MAD1L1: variants seen among roughly 807,000 people sequenced by gnomAD.
MAD1L1 encodes mitotic spindle assembly checkpoint protein MAD1.
Under a neutral mutation model 96.9 loss-of-function variants are expected in MAD1L1, and 95 were observed. The observed-to-expected ratio is 0.98, with a 90% confidence interval of 0.83 to 1.16. MAD1L1 has a LOEUF of 1.16. Ranked by LOEUF, MAD1L1 falls within the 50% of genes most tolerant of loss-of-function variation. MAD1L1 has a pLI of 0.00. For missense variants in MAD1L1, 1,007 were observed against 954.4 expected, an observed-to-expected ratio of 1.06 and a Z score of -0.73; for synonymous variants, 473 against 396.6, an observed-to-expected ratio of 1.19 and a Z score of -2.29.
chr7:2,128,569 A>G (rs1408529748), intron 11 of MAD1L1, among the ~76,000 whole-genome samples: 1 of 152,250 alleles, frequency 6.6e-6, no homozygotes, highest in African/African-American at 2.4e-5. Context: ...GAGGCCTCGC[A>G]AAGGGCACAG....
intron 18 of MAD1L1, among the ~76,000 whole-genome samples, chr7:1,865,645 T>C (rs1784743882): frequency 6.6e-6 from 1 of 152,260 alleles, no homozygotes; most frequent in Admixed American, 6.5e-5. Context: ...GGCCTCTTGG[T>C]AACCAGAGGC....
intron 15 of MAD1L1, among the ~76,000 whole-genome samples, chr7:1,974,222 G>C (rs1464052596): frequency 6.6e-6 from 1 of 152,210 alleles, no homozygotes; most frequent in Non-Finnish European, 1.5e-5. Context: ...GGAAAGATCA[G>C]AGGCCCCTCC....
chr7:2,225,838 C>T (rs1203373130), intron 3 of MAD1L1, among the ~76,000 whole-genome samples: 3 of 152,200 alleles, frequency 2.0e-5, no homozygotes, highest in Admixed American at 1.3e-4. Context: ...CCAACGGCTC[C>T]GTGGGTCGGA....
At position 1,985,722 on chromosome 7, in the gene MAD1L1, G is replaced by C. The variant is rs11974923; in HGVS notation, c.1417-5181C>G. ...ATTCAGGAGATGGAACTCTTGCTGC[G>C]GGTTCTTTAGGTAGTTTTCCCCGTG... On this transcript the variant is annotated intron_variant, in intron 14 of 18. Coordinates refer to ENST00000265854, the MANE Select transcript of MAD1L1 (RefSeq NM_001013836.2). 4.4e-3 allele frequency among the ~76,000 whole-genome samples: 674 copies of C among 152,232 alleles called. 5 individuals carry two copies. Among genetic ancestry groups the C allele is most frequent in the African/African-American group, 0.015 (640 of 41,524 alleles).
At chr7:2,116,572 G>GA (rs1554377764) in intron 11 of MAD1L1, among the ~76,000 whole-genome samples, 25 of 151,196 alleles carry the variant, frequency 1.7e-4, no homozygotes, top group Non-Finnish European at 3.4e-4. Context: ...AGGGTTGGGG[G>GA]GGGGGGGGGC....
At chr7:1,827,086 C>T (rs1377534832) in intron 18 of MAD1L1, among the ~76,000 whole-genome samples, 2 of 152,230 alleles carry the variant, frequency 1.3e-5, no homozygotes, top group East Asian at 1.9e-4. Flanking sequence ...GGCGCCGGCT[C>T]GGGGTGGGGC....
intron 11 of MAD1L1, among the ~76,000 whole-genome samples, chr7:2,096,585 C>A (rs1479708403): frequency 6.6e-6 from 1 of 152,138 alleles, no homozygotes; most frequent in Non-Finnish European, 1.5e-5. Context: ...CTCCAAGGGG[C>A]ATCTGAATTG....
intron 10 of MAD1L1, among the ~76,000 whole-genome samples, chr7:2,178,192 T>C (rs374285947): frequency 2.8e-4 from 43 of 152,370 alleles, no homozygotes; most frequent in African/African-American, 1.0e-3. Flanking sequence ...TCAGCTTTGA[T>C]AAAAACGAAA....
chr7:2,077,995 G>C (rs1471943003), intron 11 of MAD1L1, among the ~76,000 whole-genome samples: 2 of 152,174 alleles, frequency 1.3e-5, no homozygotes, highest in African/African-American at 4.8e-5. Context: ...CCCAGACAGG[G>C]CAGAAGCAAC....
intron 12 of MAD1L1, among the ~76,000 whole-genome samples, chr7:2,030,465 A>T (rs1783174335): frequency 1.3e-5 from 2 of 152,220 alleles, no homozygotes; most frequent in African/African-American, 2.4e-5. Flanking sequence ...CACTTCTTTC[A>T]TGAACAGATA....
intron 14 of MAD1L1, among the ~76,000 whole-genome samples, chr7:1,992,703 C>T (rs1781403624): frequency 1.3e-5 from 2 of 152,184 alleles, no homozygotes; most frequent in Admixed American, 6.5e-5. Context: ...AGGCTGTCTG[C>T]CAGGGCTGCT....
intron 10 of MAD1L1, among the ~76,000 whole-genome samples, chr7:2,205,990 G>A (rs893323834): frequency 6.6e-6 from 1 of 152,022 alleles, no homozygotes; most frequent in Admixed American, 6.5e-5. Flanking sequence ...AAATTAGCCG[G>A]GTGTGGTGGT....
At chr7:2,197,022 G>A (rs867077419) in intron 10 of MAD1L1, among the ~76,000 whole-genome samples, 1 of 152,212 alleles carries the variant, frequency 6.6e-6, no homozygotes, top group Admixed American at 6.5e-5. Flanking sequence ...CACAATTGGC[G>A]GATGTGCTCC....
At chr7:2,074,289 G>A (rs1232202166) in intron 11 of MAD1L1, among the ~76,000 whole-genome samples, 1 of 152,090 alleles carries the variant, frequency 6.6e-6, no homozygotes, top group Non-Finnish European at 1.5e-5. Context: ...TGCAGGTACT[G>A]AGGTCACCGA....
At chr7:2,222,240 T>C (rs1197740921) in intron 5 of MAD1L1, among the ~76,000 whole-genome samples, 1 of 151,932 alleles carries the variant, frequency 6.6e-6, no homozygotes, top group Non-Finnish European at 1.5e-5. Flanking sequence ...CCACCACGCA[T>C]GGCTAATTTT....
chr7:1,929,288 C>A (rs1180418376), intron 17 of MAD1L1, among the ~76,000 whole-genome samples: 1 of 152,164 alleles, frequency 6.6e-6, no homozygotes. Flanking sequence ...TCAGCTGTGC[C>A]CACACAGGCA....
chr7:2,179,999 A>C (rs187512845), intron 10 of MAD1L1, among the ~76,000 whole-genome samples: 4 of 152,154 alleles, frequency 2.6e-5, no homozygotes, highest in Admixed American at 2.0e-4. Context: ...AAAAGAAAGA[A>C]AGTCCTGTCT....
chr7:2,210,620 CGTGA>C (rs1016156627), intron 10 of MAD1L1, among the ~76,000 whole-genome samples: 13 of 152,210 alleles, frequency 8.5e-5, no homozygotes, highest in African/African-American at 3.1e-4. Flanking sequence ...TGACGTCCAG[CGTGA>C]GTCACCCGAG....
Position 2,045,067 on chromosome 7 carries a change from C to T in MAD1L1, c.1218+24127G>A, listed in dbSNP as rs114548226. ...AGGGCGCCCTGACGGCAAGCCCCGG[C>T]CTCTGATCACCTCCCAGGGTGAAGC... On this transcript the variant is annotated intron_variant, in intron 12 of 18. Coordinates refer to ENST00000265854, the MANE Select transcript of MAD1L1 (RefSeq NM_001013836.2). Among the ~76,000 whole-genome samples the T allele has an allele frequency of 2.0e-3, 312 of 152,324 alleles. 1 individual carries two copies. The highest frequency in any genetic ancestry group is 7.3e-3 in the African/African-American group (302 of 41,576).
Sources: gnomAD v4.1 joint callset for allele counts (sites outside exome capture counted in the v4.1 genomes callset) on GRCh38, gnomAD v4.1.1 for gene constraint, MANE v1.5 for transcripts, NCBI Gene and HGNC (gene_info 2026-07-23, HGNC 2026-07-21) for gene names.